NAALADL2: variants seen among roughly 807,000 people sequenced by gnomAD.
NAALADL2 encodes inactive N-acetylated-alpha-linked acidic dipeptidase-like protein 2.
NAALADL2 carries 76 observed loss-of-function variants against 87.2 expected under a neutral mutation model. The observed-to-expected ratio is 0.87, with a 90% CI of 0.72 to 1.05. The LOEUF (loss-of-function observed/expected upper bound fraction) is 1.05, where lower values mean the gene tolerates loss of function less well. Ranked by LOEUF, NAALADL2 falls within the 50% of genes least tolerant of loss-of-function variation. NAALADL2 has a pLI of 0.00. For synonymous variants in NAALADL2, 354 were observed against 331.0 expected, an observed-to-expected ratio of 1.07 and a Z score of -0.75; for missense variants, 1,089 against 945.8, an observed-to-expected ratio of 1.15 and a Z score of -1.99.
chr3:175,204,778 G>C (rs1173701970), intron 2 of NAALADL2, among the ~76,000 whole-genome samples: 1 of 152,008 alleles, frequency 6.6e-6, no homozygotes, highest in African/African-American at 2.4e-5. Flanking sequence ...GCACAAATCA[G>C]CACCTCTTTT....
chr3:174,488,138 C>A (rs1463407993), intron 1 of NAALADL2, among the ~76,000 whole-genome samples: 1 of 152,074 alleles, frequency 6.6e-6, no homozygotes, highest in East Asian at 1.9e-4. Context: ...TATTATCATT[C>A]TCCTGCCTTT....
intron 1 of NAALADL2, among the ~76,000 whole-genome samples, chr3:174,894,594 C>CAAAAAAAAA (rs869161862): frequency 7.4e-4 from 36 of 48,464 alleles, no homozygotes; most frequent in East Asian, 1.0e-3. Context: ...AACTCCGTCT[C>CAAAAAAAAA]AAAAAAAAAA....
chr3:174,594,113 G>A (rs963636960), intron 2 of NAALADL2, among the ~76,000 whole-genome samples: 7 of 47,102 alleles, frequency 1.5e-4, no homozygotes, highest in South Asian at 1.1e-3. Flanking sequence ...GTCAGCTGCG[G>A]TTACTTAACC....
At chr3:175,054,660 G>T (rs1276711704) in intron 1 of NAALADL2, among the ~76,000 whole-genome samples, 1 of 152,118 alleles carries the variant, frequency 6.6e-6, no homozygotes, top group Non-Finnish European at 1.5e-5. Context: ...TAAAGGTATA[G>T]GTTCTGGATG....
chr3:175,414,160 C>T (rs984017962), intron 5 of NAALADL2, among the ~76,000 whole-genome samples: 13 of 152,290 alleles, frequency 8.5e-5, no homozygotes, highest in Admixed American at 6.5e-4. Context: ...GGGAAAGACA[C>T]GGGAACAGTA....
At chr3:175,614,444 T>C (rs1725068437) in intron 10 of NAALADL2, among the ~76,000 whole-genome samples, 1 of 152,246 alleles carries the variant, frequency 6.6e-6, no homozygotes, top group African/African-American at 2.4e-5. Context: ...TAGCTTAAAT[T>C]ATAATACATA....
chr3:174,720,079 C>T (rs1731564622), intron 2 of NAALADL2, among the ~76,000 whole-genome samples: 1 of 152,096 alleles, frequency 6.6e-6, no homozygotes, highest in Admixed American at 6.6e-5. Flanking sequence ...GGATTACAGG[C>T]GTGACCCACC....
At chr3:175,457,828 C>T (rs1479425482) in intron 6 of NAALADL2, among the ~76,000 whole-genome samples, 3 of 151,604 alleles carry the variant, frequency 2.0e-5, no homozygotes, top group Non-Finnish European at 2.9e-5. Flanking sequence ...ATCATCTTTA[C>T]ACTTATTAGT....
chr3:175,623,059 C>T (rs965496429), intron 10 of NAALADL2, among the ~76,000 whole-genome samples: 2 of 151,928 alleles, frequency 1.3e-5, no homozygotes, highest in African/African-American at 4.8e-5. Flanking sequence ...TTAATTAAAA[C>T]TGACCTAAAA....
intron 9 of NAALADL2, among the ~76,000 whole-genome samples, chr3:175,493,279 G>A (rs951842696): frequency 4.6e-5 from 7 of 151,864 alleles, no homozygotes; most frequent in African/African-American, 1.7e-4. Context: ...TTTGAGAAAG[G>A]AATATGAAGA....
chr3:175,447,498 C>A, intron 6 of NAALADL2, 126 bp downstream of exon 6: 6 of 600,492 alleles, frequency 1.0e-5, no homozygotes, highest in Non-Finnish European at 1.5e-5. Context: ...ATGAAGTGAG[C>A]ATTATTTTCT....
At chr3:175,458,012 A>C (rs1722576289) in intron 6 of NAALADL2, among the ~76,000 whole-genome samples, 1 of 152,088 alleles carries the variant, frequency 6.6e-6, no homozygotes, top group Non-Finnish European at 1.5e-5. Flanking sequence ...AAATTGTCAA[A>C]TGTTAGGCAG....
At chr3:175,671,009 T>C (rs1733934300) in intron 11 of NAALADL2, among the ~76,000 whole-genome samples, 1 of 151,444 alleles carries the variant, frequency 6.6e-6, no homozygotes, top group African/African-American at 2.4e-5. Flanking sequence ...AAAATAATAA[T>C]AATAAGCAAA....
intron 12 of NAALADL2, among the ~76,000 whole-genome samples, chr3:175,738,935 CAG>C (rs1292912973): frequency 6.6e-6 from 1 of 151,976 alleles, no homozygotes; most frequent in Admixed American, 6.6e-5. Context: ...TTTTTTTAAA[CAG>C]TAATTTTATT....
At chr3:175,722,848 A>G (rs1742419148) in intron 11 of NAALADL2, among the ~76,000 whole-genome samples, 1 of 152,162 alleles carries the variant, frequency 6.6e-6, no homozygotes, top group African/African-American at 2.4e-5. Flanking sequence ...CAAAAACCAT[A>G]GATGCACTAT....
At chr3:174,500,826 C>T (rs1481687808) in intron 1 of NAALADL2, among the ~76,000 whole-genome samples, 1 of 150,376 alleles carries the variant, frequency 6.6e-6, no homozygotes, top group Non-Finnish European at 1.5e-5. Flanking sequence ...ATAAATCCAC[C>T]TTGGTCATTA....
At chr3:175,134,835 T>C (rs1445876398) in intron 2 of NAALADL2, among the ~76,000 whole-genome samples, 1 of 152,212 alleles carries the variant, frequency 6.6e-6, no homozygotes, top group Non-Finnish European at 1.5e-5. Flanking sequence ...GGCTCCAAGA[T>C]AACTGATTTT....
At chr3:175,630,572 A>T (rs984897064) in intron 11 of NAALADL2, among the ~76,000 whole-genome samples, 1 of 151,790 alleles carries the variant, frequency 6.6e-6, no homozygotes, top group Non-Finnish European at 1.5e-5. Context: ...GATAATACAG[A>T]TATAAAAACA....
At chr3:175,527,064 T>A (rs1582259133) in intron 9 of NAALADL2, among the ~76,000 whole-genome samples, 1 of 152,112 alleles carries the variant, frequency 6.6e-6, no homozygotes, top group South Asian at 2.1e-4. Flanking sequence ...CCTGAGGGCT[T>A]GTCATCTGAG....
Sources: allele counts gnomAD v4.1 joint callset (sites outside exome capture counted in the v4.1 genomes callset), GRCh38; gene constraint gnomAD v4.1.1; transcripts MANE v1.5; gene names NCBI Gene and HGNC (gene_info 2026-07-23, HGNC 2026-07-21).